MAST2: variants seen among roughly 807,000 people sequenced by gnomAD.
The protein encoded by MAST2 is microtubule-associated serine/threonine-protein kinase 2.
Under a neutral mutation model 147.4 loss-of-function variants are expected in MAST2, and 70 were observed. The ratio of observed to expected loss-of-function variants is 0.47; its 90% CI spans 0.39 to 0.58. MAST2 has a LOEUF of 0.58. Ranked by LOEUF, MAST2 falls within the 20% of genes least tolerant of loss-of-function variation. MAST2 has a pLI of 0.00. For synonymous variants in MAST2, 869 were observed against 896.8 expected, an observed-to-expected ratio of 0.97 and a Z score of 0.55; for missense variants, 2,080 against 2,302.3, an observed-to-expected ratio of 0.90 and a Z score of 1.98.
intron 4 of MAST2, chr1:45,913,872 C>T (rs753280679): frequency 7.8e-5 from 97 of 1,241,482 alleles, no homozygotes; most frequent in Non-Finnish European, 9.2e-5. Context: ...ACCATGTCTG[C>T]GGATTCAGTA....
intron 7 of MAST2, among the ~76,000 whole-genome samples, chr1:46,004,160 C>G (rs543792665): frequency 6.6e-6 from 1 of 151,878 alleles, no homozygotes; most frequent in South Asian, 2.1e-4. Flanking sequence ...GTCAGGAGAT[C>G]GAGACCATCG....
intron 1 of MAST2, among the ~76,000 whole-genome samples, chr1:45,808,573 C>T (rs536171508): frequency 2.0e-5 from 3 of 152,300 alleles, no homozygotes; most frequent in East Asian, 1.9e-4. Flanking sequence ...TAGGTTCTCT[C>T]GATTCTGCCT....
chr1:45,841,359 T>C (rs1384699067), intron 3 of MAST2, among the ~76,000 whole-genome samples: 2 of 152,040 alleles, frequency 1.3e-5, no homozygotes, highest in East Asian at 3.8e-4. Context: ...TTTTTATGCC[T>C]CGGTACTTCA....
At chr1:45,935,490 A>G (rs552311467) in intron 4 of MAST2, among the ~76,000 whole-genome samples, 4 of 152,072 alleles carry the variant, frequency 2.6e-5, no homozygotes, top group African/African-American at 7.2e-5. Flanking sequence ...AGAGTGGTAT[A>G]TTTTAGGGTT....
chr1:46,027,615 C>T, intron 16 of MAST2, 116 bp from the exon 17 acceptor site: 2 of 1,121,068 alleles, frequency 1.8e-6, no homozygotes, highest in South Asian at 1.5e-5. Context: ...AGCTACCCAG[C>T]TTGTGTCTCA....
chr1:45,920,981 T>A (rs553755140), intron 4 of MAST2, among the ~76,000 whole-genome samples: 22 of 152,172 alleles, frequency 1.4e-4, no homozygotes, highest in Non-Finnish European at 2.9e-4. Context: ...CTTACTCCAA[T>A]GTCTGTGGTG....
intron 5 of MAST2, among the ~76,000 whole-genome samples, chr1:45,990,596 C>CA (rs1644820657): frequency 6.6e-6 from 1 of 152,112 alleles, no homozygotes; most frequent in Non-Finnish European, 1.5e-5. Flanking sequence ...ATGATCCTCC[C>CA]ACCTCAGCCT....
At chr1:45,938,094 AC>A (rs1041002569) in intron 4 of MAST2, among the ~76,000 whole-genome samples, 36 of 152,268 alleles carry the variant, frequency 2.4e-4, no homozygotes, top group African/African-American at 8.4e-4. Flanking sequence ...ATGTTTTTGA[AC>A]TTTATACATG....
At chr1:45,890,619 A>G (rs1349347760) in intron 4 of MAST2, among the ~76,000 whole-genome samples, 1 of 152,214 alleles carries the variant, frequency 6.6e-6, no homozygotes, top group Admixed American at 6.5e-5. Flanking sequence ...TTCCTAAAGA[A>G]CCTATATGGA....
chr1:45,982,610 T>C (rs1644455842), intron 5 of MAST2, among the ~76,000 whole-genome samples: 1 of 152,162 alleles, frequency 6.6e-6, no homozygotes, highest in East Asian at 1.9e-4. Context: ...CTCCCACACC[T>C]CACCCTGCCT....
rs750425605 is a variant in MAST2, at chr1:46,034,915, G to A, written c.4246G>A (p.Ala1416Thr). ...GGCTGAGAAACTGGCAGCAGCACTT[G>A]CCGCCTCTGAGAAGAAGCTAGCCAC... ...QSAEKLAAAL[A>T]ASEKKLATSR... is the part of the protein sequence containing the mutation. The change falls in exon 29 of 29, where the codon GCC becomes ACC. Residue 1416 changes from alanine to threonine, a missense_variant. Around this residue, in one of 4 missense-constraint regions of MAST2, gnomAD observed 1,278 missense variants for 1,304.2 expected, o/e 0.98. Transcript: ENST00000361297. The A allele has an allele frequency of 6.2e-7, 1 of 1,614,134 alleles. No individual in the cohort carries two copies. Among genetic ancestry groups the A allele is most frequent in the Non-Finnish European group, 8.5e-7 (1 of 1,180,036 alleles).
intron 4 of MAST2, chr1:45,917,460 C>T (rs552805184): frequency 2.9e-6 from 4 of 1,366,502 alleles, no homozygotes; most frequent in Non-Finnish European, 3.9e-6. Flanking sequence ...TACTTCTCCT[C>T]TTGCCATTTT....
Position 45,824,490 on chromosome 1 carries a change from T to C in MAST2, c.235T>C (p.Phe79Leu), listed in dbSNP as rs1644731388. The part of the protein sequence containing the change: ...LFRKLSNPDI[F>L]SSTGKVKLQR... Reference sequence around the variant, plus strand: ...CAGGAAACTCAGTAATCCTGACATATTTTCATCCACTGGAAAAGTTAAACT... The same window carrying C: ...CAGGAAACTCAGTAATCCTGACATACTTTCATCCACTGGAAAAGTTAAACT... Residue 79 changes from phenylalanine (F) to leucine (L), a missense_variant, in exon 2 of 29, where the codon TTT becomes CTT. Phe to Leu is a conservative substitution (Grantham distance 22). This residue lies in a region of MAST2 where 569 missense variants were observed against 642.5 expected (regional missense o/e 0.89). Coordinates refer to ENST00000361297, the MANE Select transcript of MAST2 (RefSeq NM_015112.3). The C allele has an allele frequency of 1.2e-6, 2 of 1,612,860 alleles. No homozygotes were observed. Among genetic ancestry groups the C allele is most frequent in the Admixed American group, 1.7e-5 (1 of 59,916 alleles).
At chr1:45,913,457 T>G (rs1651980274) in intron 4 of MAST2, 2 of 297,546 alleles carry the variant, frequency 6.7e-6, no homozygotes, top group Non-Finnish European at 5.0e-6. Context: ...GCCTCAGGGT[T>G]GGAGGTTGCA....
chr1:46,020,728 T>C (rs1646148891), intron 11 of MAST2, among the ~76,000 whole-genome samples: 1 of 152,174 alleles, frequency 6.6e-6, no homozygotes, highest in East Asian at 1.9e-4. Flanking sequence ...TTAACTGCTT[T>C]GTTTCACTAG....
intron 3 of MAST2, chr1:45,847,540 CT>C: frequency 1.2e-6 from 1 of 830,402 alleles, no homozygotes; most frequent in South Asian, 1.4e-5. Flanking sequence ...ATTTGAGCTG[CT>C]TTTCTACTAT....
At chr1:45,905,247 G>C (rs1017804041) in intron 4 of MAST2, among the ~76,000 whole-genome samples, 6 of 147,116 alleles carry the variant, frequency 4.1e-5, no homozygotes, top group Non-Finnish European at 8.9e-5. Flanking sequence ...CACCATCTCA[G>C]CTCACTGCAA....
intron 4 of MAST2, among the ~76,000 whole-genome samples, chr1:45,935,312 A>C (rs181086062): frequency 6.6e-6 from 1 of 152,156 alleles, no homozygotes; most frequent in African/African-American, 2.4e-5. Flanking sequence ...TCAGATGTAT[A>C]TTTTGCAAAT....
intron 4 of MAST2, among the ~76,000 whole-genome samples, chr1:45,903,455 C>T (rs917591547): frequency 3.3e-5 from 5 of 152,256 alleles, no homozygotes; most frequent in African/African-American, 9.6e-5. Context: ...AGTCTAAACA[C>T]TGCTTTTGTT....
Sources: gnomAD v4.1 joint callset for allele counts (sites outside exome capture counted in the v4.1 genomes callset) on GRCh38, gnomAD v4.1.1 for gene constraint, gnomAD v4.1.1 regional missense constraint, MANE v1.5 for transcripts, NCBI Gene and HGNC (gene_info 2026-07-23, HGNC 2026-07-21) for gene names.